The following PADI3 variants were observed in gnomAD, a reference collection of about 807,000 sequenced individuals.
PADI3 encodes the protein peptidyl arginine deiminase 3.
In PADI3, 53 loss-of-function variants were observed where a neutral mutation model predicts 71.5. That is an observed-to-expected ratio of 0.74 (90% CI 0.59 to 0.93). PADI3 has a LOEUF of 0.93. Among genes scored for constraint, PADI3 ranks in the 40% least tolerant of loss-of-function variants. The pLI is 0.00. For synonymous variants in PADI3, 361 were observed against 347.5 expected, an observed-to-expected ratio of 1.04 and a Z score of -0.43; for missense variants, 821 against 868.0, an observed-to-expected ratio of 0.95 and a Z score of 0.68.
In PADI3 at chr1:17,265,595, G is replaced by A. The variant is rs79004869; in HGVS notation, c.347-64G>A. The A allele has an allele frequency of 7.9e-4, 1,145 of 1,449,244 alleles. 7 individuals carry two copies. The African/African-American group carries it at 0.014, about 18-fold the overall frequency. 89.8% of individuals were successfully genotyped at this position (1,449,244 alleles called of 1,614,324 possible). On this transcript the variant is annotated intron_variant, in intron 3 of 15. Coordinates refer to ENST00000375460, the MANE Select transcript of PADI3 (RefSeq NM_016233.2). ...TTGCTCAGCCCCAGACAAGCCCTGA[G>A]ATCAAGGCCTGCCCTGGGCTCCTGG... is the stretch of plus-strand genomic sequence containing the variant.
At position 17,266,731 on chromosome 1, in the gene PADI3, TG is replaced by T; in HGVS notation, c.426del (p.Ser144ValfsTer9). ...TTGTCATTGGCAGCGGCAGTGGGTC[TG>T]GGGGCCCAGTGGGTATGGCGGCATC... ...RNFVDKRQWV[W>X]GPSGYGGILL... On this transcript the variant is annotated frameshift_variant, in exon 5 of 16. Coordinates refer to ENST00000375460, the MANE Select transcript of PADI3 (RefSeq NM_016233.2). LOFTEE classifies it high-confidence loss of function. 1 of 1,614,060 alleles carries T rather than the reference TG, an allele frequency of 6.2e-7. No homozygotes were observed. Among genetic ancestry groups the T allele is most frequent in the Non-Finnish European group, 8.5e-7 (1 of 1,179,934 alleles).
intron 2 of PADI3, among the ~76,000 whole-genome samples, chr1:17,261,324 C>G (rs762317879): frequency 6.6e-6 from 1 of 152,234 alleles, no homozygotes; most frequent in Non-Finnish European, 1.5e-5. Flanking sequence ...GGGCACCGAG[C>G]TGCATGTGCC....
rs746795743 is a variant in PADI3, at chr1:17,280,705, G to A, written c.1670G>A (p.Arg557Gln). The change falls in exon 15 of 16, where the codon CGG (arginine) becomes CAG (glutamine). Residue 557 changes from arginine (R) to glutamine (Q), a missense_variant. Coordinates refer to ENST00000375460, the MANE Select transcript of PADI3 (RefSeq NM_016233.2). ...CIDWNREVLK[R>Q]ELGLAECDII... Reference sequence around the variant, plus strand: ...GACTGGAACCGTGAGGTGCTGAAGCGGGAGCTGGGCCTGGCAGAGTGTGAC... The same window carrying A: ...GACTGGAACCGTGAGGTGCTGAAGCAGGAGCTGGGCCTGGCAGAGTGTGAC... 13 of 1,614,026 alleles carry A rather than the reference G, an allele frequency of 8.1e-6. No homozygotes were observed. The African/African-American group carries it at 1.1e-4, about 13-fold the overall frequency.
chr1:17,275,436 CAAAAAAAAAAAA>C (rs10617336), intron 11 of PADI3, among the ~76,000 whole-genome samples: 3 of 89,466 alleles, frequency 3.4e-5, no homozygotes, highest in Admixed American at 1.6e-4. Context: ...GACTCCGTCT[CAAAAAAAAAAAA>C]AAAAAAAAAA....
At chr1:17,280,230 G>A in intron 13 of PADI3, 120 bp from the exon 14 acceptor site, 2 of 761,878 alleles carry the variant, frequency 2.6e-6, no homozygotes, top group East Asian at 5.3e-5. Context: ...AAAGTCAGAG[G>A]CTGCTGACTC....
chr1:17,280,689 C>A lies in PADI3; in HGVS notation c.1654C>A (p.Arg552Ser). 6.2e-7 allele frequency: 1 copy of A among 1,614,130 alleles called. No individual in the cohort carries two copies. Among genetic ancestry groups the A allele is most frequent in the Non-Finnish European group, 8.5e-7 (1 of 1,180,028 alleles). The change falls in exon 15 of 16, where the codon CGT becomes AGT. Residue 552 changes from arginine to serine, a missense_variant. Physicochemically the swap from Arg to Ser is moderately radical, Grantham distance 110. Transcript: ENST00000375460. ...KFVQSCIDWN[R>S]EVLKRELGLA... ...CCCCCAGAGCTGCATCGACTGGAACCGTGAGGTGCTGAAGCGGGAGCTGGG... is the reference window on the plus strand; with the variant it reads ...CCCCCAGAGCTGCATCGACTGGAACAGTGAGGTGCTGAAGCGGGAGCTGGG...
At chr1:17,273,304 C>CACAGCTGTGACAGTCA in intron 9 of PADI3, 36 bp from the exon 10 acceptor site, 9 of 1,512,136 alleles carry the variant, frequency 6.0e-6, no homozygotes, top group Non-Finnish European at 8.2e-6. Flanking sequence ...TGTTGACTGT[C>CACAGCTGTGACAGTCA]ACAGCTGTGC....
In PADI3 at chr1:17,273,306, C is replaced by T. The variant is rs772743325; in HGVS notation, c.1048-34C>T. Reference sequence around the variant, plus strand: ...CAGCAGGGGCAGCTGTTGACTGTCACAGCTGTGCGTCTCTCGCCTCTCCTC... The same window carrying T: ...CAGCAGGGGCAGCTGTTGACTGTCATAGCTGTGCGTCTCTCGCCTCTCCTC... On this transcript the variant is annotated intron_variant, in intron 9 of 15. Transcript: ENST00000375460. The T allele has an allele frequency of 8.4e-6, 13 of 1,541,918 alleles. No homozygotes were observed. In the South Asian group the frequency reaches 1.2e-4, roughly 15 times the overall value.
At chr1:17,254,684 A>G (rs1318016412) in intron 1 of PADI3, among the ~76,000 whole-genome samples, 2 of 150,546 alleles carry the variant, frequency 1.3e-5, no homozygotes, top group Admixed American at 6.6e-5. Context: ...CACTGAGTCA[A>G]CTCTACACGG....
rs1174949875 is a variant in PADI3 at position 17,259,528 on chromosome 1, AGCAAAATATATCTCCTTCG to A, written c.93-46_93-28del. ...GCTTGAGCCAAAGCTCAAACATCTG[AGCAAAATATATCTCCTTCG>A]GCACCGACCATGGCTCTCTGCCCTG... On this transcript the variant is annotated intron_variant, in intron 1 of 15. Coordinates refer to ENST00000375460, the MANE Select transcript of PADI3 (RefSeq NM_016233.2). 2.0e-6 allele frequency: 3 copies of A among 1,506,420 alleles called. No individual in the cohort carries two copies. In the African/African-American group the frequency reaches 4.2e-5, roughly 21 times the overall value. The allele number at this position is 1,506,420 out of a possible 1,614,324, so 93.3% of individuals were successfully genotyped here. A position where few individuals can be genotyped will look rare whatever the true frequency, so the allele number is the denominator to read the frequency against.
At chr1:17,268,858 A>G (rs531902326) in intron 6 of PADI3, among the ~76,000 whole-genome samples, 1 of 149,756 alleles carries the variant, frequency 6.7e-6, no homozygotes, top group South Asian at 2.1e-4. Flanking sequence ...ATGAAACCTG[A>G]GAGTTCTCTA....
At position 17,271,067 on chromosome 1, in the gene PADI3, T is replaced by C; in HGVS notation, c.936T>C (p.Arg312=). The C allele has an allele frequency of 6.2e-7, 1 of 1,614,004 alleles. No homozygotes were observed. Among genetic ancestry groups the C allele is most frequent in the Non-Finnish European group, 8.5e-7 (1 of 1,179,974 alleles). ...TLPPLEVYVC[R]VRNNTCFVDA... ...CCCTCTTCCCTGGGCTTGTCCGTAG[T>C]GTGAGGAACAACACGTGTTTTGTGG... Residue 312 remains arginine, a splice_region_variant and synonymous_variant, in exon 9 of 16, where the codon CGT becomes CGC. Coordinates refer to ENST00000375460, the MANE Select transcript of PADI3 (RefSeq NM_016233.2).
intron 15 of PADI3, 84 bp from the exon 16 acceptor site, chr1:17,282,762 A>G: frequency 9.6e-7 from 1 of 1,038,264 alleles, no homozygotes; most frequent in Non-Finnish European, 1.4e-6. Flanking sequence ...GGCTGTCTAA[A>G]ACACAAACCT....
chr1:17,273,754 C>T (rs1327370246), intron 10 of PADI3, among the ~76,000 whole-genome samples: 3 of 152,096 alleles, frequency 2.0e-5, no homozygotes, highest in Non-Finnish European at 4.4e-5. Flanking sequence ...TCTGGCAGCC[C>T]TAAATAGGGG....
In PADI3 at chr1:17,283,402, G is replaced by C. The variant is rs957928013; in HGVS notation, c.*323G>C. 3.3e-6 allele frequency: 1 copy of C among 304,488 alleles called. No homozygotes were observed. Among genetic ancestry groups the C allele is most frequent in the South Asian group, 4.3e-5 (1 of 23,100 alleles). The allele number at this position is 304,488 out of a possible 1,614,324, so 18.9% of individuals were successfully genotyped here. A position where few individuals can be genotyped will look rare whatever the true frequency, so the allele number is the denominator to read the frequency against. ...TCCATTTGGGGACAAATCCACATTG[G>C]GGTCTAGAAACATCCACGTATCTCA... On this transcript the variant is annotated 3_prime_UTR_variant, in exon 16 of 16. Transcript: ENST00000375460.
At chr1:17,251,763 A>C (rs1163499229) in intron 1 of PADI3, among the ~76,000 whole-genome samples, 1 of 152,232 alleles carries the variant, frequency 6.6e-6, no homozygotes, top group African/African-American at 2.4e-5. Context: ...GTGAACATTC[A>C]GTTATGTTAA....
chr1:17,280,466 G>C (rs574632396), intron 14 of PADI3, 37 bp downstream of exon 14: 9 of 1,562,808 alleles, frequency 5.8e-6, no homozygotes, highest in African/African-American at 4.1e-5. Context: ...GCTGTGATTT[G>C]GGAGTAGGCG....
At chr1:17,253,444 C>T (rs1292920596) in intron 1 of PADI3, among the ~76,000 whole-genome samples, 2 of 152,206 alleles carry the variant, frequency 1.3e-5, no homozygotes, top group Admixed American at 6.5e-5. Context: ...AGTAACAGCA[C>T]ATGGAAAAGA....
chr1:17,249,583 G>A (rs921313173), intron 1 of PADI3, among the ~76,000 whole-genome samples: 2 of 152,188 alleles, frequency 1.3e-5, no homozygotes, highest in South Asian at 2.1e-4. Flanking sequence ...ATAGGAACAG[G>A]CAGATATCCC....
Sources: allele counts gnomAD v4.1 joint callset (sites outside exome capture counted in the v4.1 genomes callset), GRCh38; gene constraint gnomAD v4.1.1; transcripts MANE v1.5; gene names NCBI Gene and HGNC (gene_info 2026-07-23, HGNC 2026-07-21).